Variants in ESPL1 observed in about 807,000 individuals in gnomAD.
The protein encoded by ESPL1 is separin.
ESPL1 carries 50 observed loss-of-function variants against 217.2 expected under a neutral mutation model. The observed-to-expected ratio is 0.23, with a 90% CI of 0.18 to 0.29. ESPL1 has a LOEUF of 0.29. Ranked by LOEUF, ESPL1 falls within the 10% of genes least tolerant of loss-of-function variation. The probability of loss-of-function intolerance (pLI) is 1.00; values close to 1 mark genes in which losing one functional copy is unlikely to be tolerated. For missense variants in ESPL1, 1,834 were observed against 2,603.0 expected (o/e 0.70, Z 6.43); for synonymous variants, 994 against 1,081.3 (o/e 0.92, Z 1.58).
At position 53,277,451 on chromosome 12, in the gene ESPL1, C is replaced by A; in HGVS notation, c.2086-19C>A. On this transcript the variant is annotated intron_variant, in intron 9 of 30. Coordinates refer to ENST00000257934, the MANE Select transcript of ESPL1 (RefSeq NM_012291.5). ...CCACACCACTGTGCCCTGTTTTATA[C>A]CCCGATCTTCCCATCCAGGGTATCG... The A allele has an allele frequency of 6.2e-7, 1 of 1,611,540 alleles. No individual in the cohort carries two copies. Among genetic ancestry groups the A allele is most frequent in the Non-Finnish European group, 8.5e-7 (1 of 1,178,892 alleles).
intron 3 of ESPL1, 33 bp downstream of exon 3, chr12:53,270,118 G>A (rs759211384): frequency 1.4e-5 from 22 of 1,545,952 alleles, no homozygotes; most frequent in Non-Finnish European, 1.7e-5. Context: ...GGGTGGGGAC[G>A]TGGTCTGTGG....
Position 53,288,579 on chromosome 12 carries a change from G to C in ESPL1, c.4588G>C (p.Glu1530Gln), listed in dbSNP as rs1943996478. 1 of 1,613,640 alleles carries C rather than the reference G, an allele frequency of 6.2e-7. No individual in the cohort carries two copies. The highest frequency in any genetic ancestry group is 1.1e-5 in the South Asian group (1 of 91,088). Residue 1530 changes from glutamate (E) to glutamine (Q), a missense_variant, in exon 20 of 31, where the codon GAA (glutamate) becomes CAA (glutamine). Glu to Gln is a conservative substitution (Grantham distance 29). Transcript: ENST00000257934. Reference sequence around the variant, plus strand: ...TCCGGGCCCTGAGGCAGCTTCTGGAGAATGGGAGCTGCTGAGGCTGGATTC... The same window carrying C: ...TCCGGGCCCTGAGGCAGCTTCTGGACAATGGGAGCTGCTGAGGCTGGATTC... ...PAPGPEAASG[E>Q]WELLRLDSSK...
intron 1 of ESPL1, 95 bp from the exon 2 acceptor site, chr12:53,268,660 G>T: frequency 1.4e-6 from 1 of 695,120 alleles, no homozygotes; most frequent in South Asian, 1.8e-5. Flanking sequence ...AATTTCTGAT[G>T]TGATTCTTTG....
In ESPL1 at chr12:53,269,170, G is replaced by A; in HGVS notation, c.228G>A (p.Glu76=). The A allele has an allele frequency of 1.2e-6, 2 of 1,614,180 alleles. No homozygotes were observed. The highest frequency in any genetic ancestry group is 1.7e-6 in the Non-Finnish European group (2 of 1,180,034). The change falls in exon 3 of 31, where the codon GAG becomes GAA. Residue 76 remains glutamate, a synonymous_variant. Coordinates refer to ENST00000257934, the MANE Select transcript of ESPL1 (RefSeq NM_012291.5). This position sits in a 1 kb window ranked among gnomAD's most constrained non-coding sequence, Gnocchi z 6.7. The part of the protein sequence containing the change: ...ACPRHLGSLL[E]LAELACDGYL... ...CTAGGCATCTGGGGAGCCTGCTGGA[G>A]CTGGCAGAGCTGGCCTGTGATGGCT...
In ESPL1 at chr12:53,293,204, C is replaced by T. The variant is rs1441144173; in HGVS notation, c.6162-69C>T. On this transcript the variant is annotated intron_variant, in intron 30 of 30. Transcript: ENST00000257934. The surrounding 1 kb of genome is among the most constrained non-coding windows in gnomAD (Gnocchi z 4.2). ...CCTCTCCACTCACCCACCCCCACCA[C>T]CAATGGTGTTTTCCTATGTATTCTG... is the stretch of plus-strand genomic sequence containing the variant. 1.2e-5 allele frequency: 16 copies of T among 1,345,628 alleles called. No individual in the cohort carries two copies. Among genetic ancestry groups the T allele is most frequent in the East Asian group, 2.3e-5 (1 of 43,554 alleles). 83.4% of individuals were successfully genotyped at this position (1,345,628 alleles called of 1,614,324 possible).
At chr12:53,288,392 G>A (rs1007735386) in intron 19 of ESPL1, 51 bp downstream of exon 19, 2 of 1,545,076 alleles carry the variant, frequency 1.3e-6, no homozygotes, top group African/African-American at 1.4e-5. Flanking sequence ...GGTTTGTTCT[G>A]GGGCAAAGCA....
At chr12:53,270,928 ATGTT>A (rs1338319833) in intron 5 of ESPL1, 130 bp downstream of exon 5, 9 of 974,448 alleles carry the variant, frequency 9.2e-6, no homozygotes, top group Non-Finnish European at 1.3e-5. Flanking sequence ...AGTGAGAGAA[ATGTT>A]TATAAGTACC....
In ESPL1 at chr12:53,286,337, G is replaced by A. The variant is rs1943947682; in HGVS notation, c.3601G>A (p.Ala1201Thr). 6.2e-7 allele frequency: 1 copy of A among 1,614,206 alleles called. No homozygotes were observed. The highest frequency in any genetic ancestry group is 8.5e-7 in the Non-Finnish European group (1 of 1,180,036). ...TGAAGCCGCTGAGCGCCTCACCCAA[G>A]CTCTCCAAGCTTCCCTGAATCATAA... ...CPEAAERLTQ[A>T]LQASLNHKTP... Residue 1201 changes from alanine (A) to threonine (T), a missense_variant, in exon 18 of 31, where the codon GCT becomes ACT. Physicochemically the swap from Ala to Thr is moderately conservative, Grantham distance 58. This residue lies in a region of ESPL1 where 681 missense variants were observed against 808.0 expected (regional missense o/e 0.84). Coordinates refer to ENST00000257934, the MANE Select transcript of ESPL1 (RefSeq NM_012291.5). This position sits in a 1 kb window ranked among gnomAD's most constrained non-coding sequence, Gnocchi z 5.3.
intron 6 of ESPL1, chr12:53,274,109 C>G (rs766076756): frequency 6.6e-6 from 1 of 152,170 alleles, no homozygotes; most frequent in African/African-American, 2.4e-5. Context: ...CCGCCTCGGC[C>G]TCCCAAAGTG....
chr12:53,292,628 G>A lies in ESPL1; in HGVS notation c.5967G>A (p.Gln1989=), dbSNP rs1410611899. The change falls in exon 29 of 31, where the codon CAG becomes CAA. Residue 1989 remains glutamine, a synonymous_variant. Transcript: ENST00000257934. This position sits in a 1 kb window ranked among gnomAD's most constrained non-coding sequence, Gnocchi z 4.5. ...AGGTGCCAAGACCTGAACAGGTGCA[G>A]GAAGCCCTGACAAAGCATGATTTGT... is the stretch of plus-strand genomic sequence containing the variant. ...VGEVPRPEQV[Q]EALTKHDLYI... 1 of 1,613,056 alleles carries A rather than the reference G, an allele frequency of 6.2e-7. No homozygotes were observed. The highest frequency in any genetic ancestry group is 1.1e-5 in the South Asian group (1 of 91,086).
At chr12:53,280,664 A>G (rs1456518131) in intron 12 of ESPL1, among the ~76,000 whole-genome samples, 1 of 151,994 alleles carries the variant, frequency 6.6e-6, no homozygotes, top group Non-Finnish European at 1.5e-5. Context: ...CACCGTGCCC[A>G]GCTACTGCTT....
chr12:53,284,264 T>G, intron 17 of ESPL1, 97 bp downstream of exon 17: 1 of 813,818 alleles, frequency 1.2e-6, no homozygotes, highest in Non-Finnish European at 2.1e-6. Flanking sequence ...TTTTTTATTT[T>G]TGAGACAGAG....
At position 53,292,926 on chromosome 12, in the gene ESPL1, C is replaced by T; in HGVS notation, c.6117C>T (p.Asn2039=). The T allele has an allele frequency of 6.2e-7, 1 of 1,613,968 alleles. No individual in the cohort carries two copies. ...CSSAALAVRG[N]LEGAGIVLKY... ...GTGCGGCCCTGGCTGTGCGTGGAAA[C>T]CTGGAGGGGGCTGGCATCGTGCTCA... The change falls in exon 30 of 31, where the codon AAC becomes AAT. Residue 2039 remains asparagine, a synonymous_variant. Transcript: ENST00000257934. The surrounding 1 kb of genome is among the most constrained non-coding windows in gnomAD (Gnocchi z 4.5).
At position 53,292,171 on chromosome 12, in the gene ESPL1, T is replaced by C; in HGVS notation, c.5796+83T>C. 7.1e-7 allele frequency: 1 copy of C among 1,411,998 alleles called. No homozygotes were observed. The allele number at this position is 1,411,998 out of a possible 1,614,324, so 87.5% of individuals were successfully genotyped here. On this transcript the variant is annotated intron_variant, in intron 27 of 30. Transcript: ENST00000257934. This position sits in a 1 kb window ranked among gnomAD's most constrained non-coding sequence, Gnocchi z 4.5. ...AGAAGGGCAGAGAAACCTGAGAAGA[T>C]AGGAGAGGGTCCTAGGAATGGCTCA...
chr12:53,287,010 C>T, intron 18 of ESPL1, 98 bp downstream of exon 18: 1 of 1,195,130 alleles, frequency 8.4e-7, no homozygotes, highest in Non-Finnish European at 1.2e-6. Context: ...TGGAATAGCT[C>T]CCCAGGGCCT....
At chr12:53,270,278 T>A in intron 3 of ESPL1, 100 bp from the exon 4 acceptor site, 1 of 1,011,840 alleles carries the variant, frequency 9.9e-7, no homozygotes, top group South Asian at 1.3e-5. Flanking sequence ...TTCCTCGTGC[T>A]CCCTGGGCTC....
chr12:53,293,167 C>A lies in ESPL1; in HGVS notation c.6162-106C>A, dbSNP rs556704212. 2.8e-6 allele frequency: 3 copies of A among 1,086,138 alleles called. No individual in the cohort carries two copies. Among genetic ancestry groups the A allele is most frequent in the Non-Finnish European group, 4.1e-6 (3 of 724,730 alleles). 67.3% of individuals were successfully genotyped at this position (1,086,138 alleles called of 1,614,324 possible). A position where few individuals can be genotyped will look rare whatever the true frequency, so the allele number is the denominator to read the frequency against. On this transcript the variant is annotated intron_variant, in intron 30 of 30. Coordinates refer to ENST00000257934, the MANE Select transcript of ESPL1 (RefSeq NM_012291.5). This position sits in a 1 kb window ranked among gnomAD's most constrained non-coding sequence, Gnocchi z 4.2. ...GTAACCAAGGGCCAAAGGAGTTTCTCATTGGTTCAATCCTCTCCACTCACC... is the reference window on the plus strand; with the variant it reads ...GTAACCAAGGGCCAAAGGAGTTTCTAATTGGTTCAATCCTCTCCACTCACC...
In ESPL1 at chr12:53,270,078, A is replaced by G. The variant is rs755225647; in HGVS notation, c.1136A>G (p.Asp379Gly). Reference protein sequence around the residue: ...GYCSLLQQLRDDGVYGGSSKQ... With the variant: ...GYCSLLQQLRGDGVYGGSSKQ... ...TGCTCTCTTCTGCAGCAGCTGCGGG[A>G]TGATGGTGTGAGTTAAGGACCTGGA... Residue 379 changes from aspartate (D) to glycine (G), a missense_variant, in exon 3 of 31, where the codon GAT becomes GGT. Around this residue, in one of 5 missense-constraint regions of ESPL1, gnomAD observed 746 missense variants for 1,077.0 expected, o/e 0.69. Coordinates refer to ENST00000257934, the MANE Select transcript of ESPL1 (RefSeq NM_012291.5). The G allele has an allele frequency of 1.9e-6, 3 of 1,605,976 alleles. No homozygotes were observed.
At position 53,283,534 on chromosome 12, in the gene ESPL1, C is replaced by T. The variant is rs1220452597; in HGVS notation, c.3073C>T (p.Arg1025Cys). 5 of 1,613,956 alleles carry T rather than the reference C, an allele frequency of 3.1e-6. No homozygotes were observed. Among genetic ancestry groups the T allele is most frequent in the Admixed American group, 3.3e-5 (2 of 59,974 alleles). ...ACTTACAACAAAGCTGCAGATACCA[C>T]GCCAGTAAGTACAGGGCCAGAGGAT... Reference protein sequence around the residue: ...LKLTTKLQIPRQCALFLVLKG... With the variant: ...LKLTTKLQIPCQCALFLVLKG... The change falls in exon 16 of 31, where the codon CGC (arginine) becomes TGC (cysteine). Residue 1025 changes from arginine (R) to cysteine (C), a missense_variant. Around this residue, in one of 5 missense-constraint regions of ESPL1, gnomAD observed 107 missense variants for 171.7 expected, o/e 0.62. Transcript: ENST00000257934.
Sources: allele counts gnomAD v4.1 joint callset (sites outside exome capture counted in the v4.1 genomes callset), GRCh38; gene constraint gnomAD v4.1.1; regional missense constraint gnomAD v4.1.1; non-coding constraint Gnocchi (gnomAD v3.1); transcripts MANE v1.5; gene names NCBI Gene and HGNC (gene_info 2026-07-23, HGNC 2026-07-21).